Variants in KLHL4 observed in about 807,000 individuals in gnomAD.
KLHL4 encodes kelch-like protein 4.
In KLHL4, 17 loss-of-function variants were observed where a neutral mutation model predicts 45.8. The ratio of observed to expected loss-of-function variants is 0.37; its 90% CI spans 0.25 to 0.56. The LOEUF is 0.56. KLHL4 is among the 20% of genes least tolerant of loss of function. The pLI is 0.79. For synonymous variants in KLHL4, 224 were observed against 189.9 expected, an observed-to-expected ratio of 1.18 and a Z score of -1.47; for missense variants, 544 against 544.9, an observed-to-expected ratio of 1.00 and a Z score of 0.02.
At position 87,562,652 on chromosome X, in the gene KLHL4, G is replaced by A. The variant is rs144512889; in HGVS notation, c.422+44337G>A. Among the ~76,000 whole-genome samples, 740 of 110,682 alleles carry A rather than the reference G, an allele frequency of 6.7e-3. 4 individuals are homozygous for A. Among genetic ancestry groups the A allele is most frequent in the African/African-American group, 0.018 (539 of 30,436 alleles). ...CCTGATTCCATGCCCCAGCTCCCACGTGCCATCTCTAGACACACCCTGGGA... is the reference window on the plus strand; with the variant it reads ...CCTGATTCCATGCCCCAGCTCCCACATGCCATCTCTAGACACACCCTGGGA... On this transcript the variant is annotated intron_variant, in intron 1 of 10. Coordinates refer to ENST00000373119, the MANE Select transcript of KLHL4 (RefSeq NM_019117.5).
rs958917605 is a variant in KLHL4, at chrX:87,517,831, A to G, written c.-63A>G. The G allele has an allele frequency of 5.1e-5, 55 of 1,088,077 alleles. No homozygotes were observed. In the South Asian group the frequency reaches 1.1e-3, roughly 22 times the overall value. 89.7% of individuals were successfully genotyped at this position (1,088,077 alleles called of 1,213,427 possible). ...GTTCTACAGAAGAGGCAGAAAAACA[A>G]GAGATAACAAAGGCTCCGTTTCCTT... On this transcript the variant is annotated 5_prime_UTR_variant, in exon 1 of 11. Coordinates refer to ENST00000373119, the MANE Select transcript of KLHL4 (RefSeq NM_019117.5).
chrX:87,586,804 GC>G (rs1301989493), intron 1 of KLHL4, among the ~76,000 whole-genome samples: 2 of 110,850 alleles, frequency 1.8e-5, no homozygotes, highest in Non-Finnish European at 3.8e-5. Context: ...ACATTGAAAT[GC>G]AAACCACAAT....
chrX:87,641,674 G>T (rs890979965), intron 9 of KLHL4, among the ~76,000 whole-genome samples: 1 of 111,186 alleles, frequency 9.0e-6, no homozygotes, highest in African/African-American at 3.3e-5. Context: ...TCCTCTACCT[G>T]GAAACAGACT....
chrX:87,528,575 C>T (rs183894459), intron 1 of KLHL4, among the ~76,000 whole-genome samples: 2 of 108,029 alleles, frequency 1.9e-5, no homozygotes, highest in Non-Finnish European at 3.8e-5. Context: ...ATTAGCTCAG[C>T]GTGGTGGCAC....
intron 9 of KLHL4, among the ~76,000 whole-genome samples, chrX:87,645,640 G>A (rs1209253760): frequency 9.0e-6 from 1 of 111,414 alleles, no homozygotes; most frequent in East Asian, 2.8e-4. Flanking sequence ...GCAAAACTGT[G>A]GAACCAACCC....
At chrX:87,553,350 C>T (rs1036228372) in intron 1 of KLHL4, among the ~76,000 whole-genome samples, 2 of 110,546 alleles carry the variant, frequency 1.8e-5, no homozygotes, top group Non-Finnish European at 3.8e-5. Context: ...GTTAATGAAA[C>T]ATTTACTAAA....
intron 1 of KLHL4, among the ~76,000 whole-genome samples, chrX:87,519,414 A>G (rs1468849637): frequency 8.9e-6 from 1 of 112,051 alleles, no homozygotes; most frequent in South Asian, 3.7e-4. Context: ...TCTTGCTTTC[A>G]TAAATTCAAA....
intron 1 of KLHL4, among the ~76,000 whole-genome samples, chrX:87,522,319 A>C (rs1221255745): frequency 8.9e-6 from 1 of 111,733 alleles, no homozygotes; most frequent in Non-Finnish European, 1.9e-5. Context: ...GACTTTGGAA[A>C]GGTAACAATA....
chrX:87,539,645 A>G (rs1159598663), intron 1 of KLHL4, among the ~76,000 whole-genome samples: 1 of 111,125 alleles, frequency 9.0e-6, no homozygotes, highest in African/African-American at 3.3e-5. Context: ...CTGATGAGAT[A>G]CCAACATCTG....
chrX:87,582,326 C>T (rs1370358564), intron 1 of KLHL4, among the ~76,000 whole-genome samples: 1 of 111,815 alleles, frequency 8.9e-6, no homozygotes, highest in South Asian at 3.8e-4. Context: ...CGGATGCCAC[C>T]ACTTCCCCAA....
intron 1 of KLHL4, among the ~76,000 whole-genome samples, chrX:87,568,391 C>CTTTTTTTTTTTTTTTTTTTTTTTTTT (rs58586775): frequency 3.5e-5 from 2 of 57,506 alleles, no homozygotes; most frequent in Non-Finnish European, 5.9e-5. Context: ...TTCTTTTTTT[C>CTTTTTTTTTTTTTTTTTTTTTTTTTT]TTTTTTTTTT....
At chrX:87,642,882 C>T (rs1028714182) in intron 9 of KLHL4, among the ~76,000 whole-genome samples, 2 of 111,609 alleles carry the variant, frequency 1.8e-5, no homozygotes, top group African/African-American at 6.5e-5. Flanking sequence ...ATGAACAAAG[C>T]CTCCAAGAAG....
chrX:87,545,408 T>C (rs949945256), intron 1 of KLHL4, among the ~76,000 whole-genome samples: 13 of 111,315 alleles, frequency 1.2e-4, no homozygotes, highest in Middle Eastern at 4.6e-3. Flanking sequence ...TGAGATCTGA[T>C]GGTTTTATAA....
At chrX:87,622,859 C>T (rs1293313042) in intron 5 of KLHL4, among the ~76,000 whole-genome samples, 4 of 111,208 alleles carry the variant, frequency 3.6e-5, no homozygotes, top group South Asian at 3.8e-4. Context: ...ATCATACTTT[C>T]GATGCACTAT....
intron 9 of KLHL4, among the ~76,000 whole-genome samples, chrX:87,644,290 C>G (rs1050008104): frequency 1.2e-4 from 13 of 111,164 alleles, no homozygotes; most frequent in African/African-American, 4.2e-4. Flanking sequence ...TAGAACTCAA[C>G]CCCTATTACA....
At chrX:87,530,783 C>A (rs930531422) in intron 1 of KLHL4, among the ~76,000 whole-genome samples, 22 of 102,249 alleles carry the variant, frequency 2.2e-4, no homozygotes, top group Non-Finnish European at 1.8e-4. Context: ...TTGGTATATA[C>A]CCAGTAATGG....
At chrX:87,541,079 A>T (rs1249885455) in intron 1 of KLHL4, among the ~76,000 whole-genome samples, 1 of 110,594 alleles carries the variant, frequency 9.0e-6, no homozygotes, top group East Asian at 2.9e-4. Flanking sequence ...TGGAATTGTA[A>T]TCCCCATGTG....
intron 1 of KLHL4, among the ~76,000 whole-genome samples, chrX:87,540,844 A>G (rs1252917649): frequency 8.9e-6 from 1 of 112,156 alleles, no homozygotes; most frequent in African/African-American, 3.2e-5. Flanking sequence ...TGTATGTGCT[A>G]TACAACTGGC....
At chrX:87,580,259 C>CAA (rs201579551) in intron 1 of KLHL4, among the ~76,000 whole-genome samples, 4 of 93,439 alleles carry the variant, frequency 4.3e-5, no homozygotes, top group Admixed American at 1.2e-4. Flanking sequence ...CATATCACTA[C>CAA]AAAAAAATTA....
Sources: gnomAD v4.1 joint callset for allele counts (sites outside exome capture counted in the v4.1 genomes callset) on GRCh38, gnomAD v4.1.1 for gene constraint, MANE v1.5 for transcripts, NCBI Gene and HGNC (gene_info 2026-07-23, HGNC 2026-07-21) for gene names.